Variants in SPAG16 observed in about 807,000 individuals in gnomAD.
The protein encoded by SPAG16 is sperm-associated antigen 16 protein.
Under a neutral mutation model 80.4 loss-of-function variants are expected in SPAG16, and 86 were observed. The ratio of observed to expected loss-of-function variants is 1.07; its 90% CI spans 0.90 to 1.28. The LOEUF (loss-of-function observed/expected upper bound fraction) is 1.28, where lower values mean the gene tolerates loss of function less well. Among genes scored for constraint, SPAG16 ranks in the 50% most tolerant of loss-of-function variants. The pLI is 0.00. For synonymous variants in SPAG16, 294 were observed against 265.9 expected, an observed-to-expected ratio of 1.11 and a Z score of -1.03; for missense variants, 870 against 765.3, an observed-to-expected ratio of 1.14 and a Z score of -1.61.
At chr2:214,000,267 G>A (rs2046731460) in intron 12 of SPAG16, among the ~76,000 whole-genome samples, 1 of 152,138 alleles carries the variant, frequency 6.6e-6, no homozygotes, top group South Asian at 2.1e-4. Context: ...ACTGTTCTCA[G>A]GGTACTGAAT....
intron 10 of SPAG16, among the ~76,000 whole-genome samples, chr2:213,853,432 T>C (rs2075006642): frequency 6.6e-6 from 1 of 152,168 alleles, no homozygotes; most frequent in African/African-American, 2.4e-5. Context: ...TTATAAGAAA[T>C]GTGTCCTATT....
chr2:214,177,965 G>T (rs2057165430), intron 15 of SPAG16, among the ~76,000 whole-genome samples: 1 of 28,352 alleles, frequency 3.5e-5, no homozygotes, highest in Non-Finnish European at 7.0e-5. Flanking sequence ...ACTTCACAAA[G>T]TGTATGTATA....
chr2:213,972,462 G>A (rs929963956), intron 12 of SPAG16, among the ~76,000 whole-genome samples: 12 of 152,106 alleles, frequency 7.9e-5, no homozygotes, highest in Admixed American at 6.5e-4. Context: ...ACTGATACCT[G>A]ATGCAGGAGA....
intron 10 of SPAG16, among the ~76,000 whole-genome samples, chr2:213,524,731 G>A (rs1487059958): frequency 2.0e-5 from 3 of 152,158 alleles, no homozygotes; most frequent in Admixed American, 6.6e-5. Flanking sequence ...CATTTTGAAT[G>A]GGTGTATTTA....
At chr2:213,856,639 C>G (rs1260226293) in intron 10 of SPAG16, among the ~76,000 whole-genome samples, 1 of 152,132 alleles carries the variant, frequency 6.6e-6, no homozygotes, top group Non-Finnish European at 1.5e-5. Context: ...TGATCCCCCA[C>G]AGGCCCAACA....
intron 1 of SPAG16, among the ~76,000 whole-genome samples, chr2:213,293,521 A>G (rs1007000027): frequency 6.6e-6 from 1 of 152,230 alleles, no homozygotes; most frequent in Admixed American, 6.5e-5. Context: ...TTAGCCCACC[A>G]TATCTTGAGG....
chr2:213,488,589 G>C (rs1036643150), intron 9 of SPAG16, among the ~76,000 whole-genome samples: 2 of 152,028 alleles, frequency 1.3e-5, no homozygotes, highest in East Asian at 3.9e-4. Context: ...AATGAAAAAC[G>C]AGAGAAGACA....
chr2:213,508,595 T>A (rs2075073514), intron 10 of SPAG16, among the ~76,000 whole-genome samples: 1 of 150,294 alleles, frequency 6.7e-6, no homozygotes, highest in Non-Finnish European at 1.5e-5. Context: ...AAAAAAAAAA[T>A]GATGAGTTCA....
intron 15 of SPAG16, among the ~76,000 whole-genome samples, chr2:214,263,218 C>T (rs1691308599): frequency 6.6e-6 from 1 of 152,106 alleles, no homozygotes; most frequent in Non-Finnish European, 1.5e-5. Flanking sequence ...ACTGAGGGCA[C>T]AGGTGCAATG....
At chr2:214,387,402 C>T (rs1219780933) in intron 15 of SPAG16, among the ~76,000 whole-genome samples, 1 of 152,068 alleles carries the variant, frequency 6.6e-6, no homozygotes, top group Non-Finnish European at 1.5e-5. Context: ...CAGTATATAA[C>T]TGTTGAGGGA....
At chr2:213,812,404 A>G (rs897395750) in intron 10 of SPAG16, among the ~76,000 whole-genome samples, 1 of 152,338 alleles carries the variant, frequency 6.6e-6, no homozygotes, top group African/African-American at 2.4e-5. Context: ...GTTGGAGGCT[A>G]AGAGACTCAG....
chr2:214,257,455 T>C (rs1293313980), intron 15 of SPAG16, among the ~76,000 whole-genome samples: 2 of 152,058 alleles, frequency 1.3e-5, no homozygotes, highest in Admixed American at 1.3e-4. Flanking sequence ...TTGTTCCCCA[T>C]TATAGGTTAA....
rs936654759 is a variant in SPAG16 at position 213,855,767 on chromosome 2, C to T, written c.1071-6718C>T. Among the ~76,000 whole-genome samples the T allele has an allele frequency of 3.3e-5, 5 of 152,276 alleles. No individual in the cohort carries two copies. In the East Asian group the frequency reaches 7.7e-4, roughly 24 times the overall value. ...ATCAGATCTCATAAGAACTCACTTA[C>T]TGTCATCAGAACAACATGGGGGAAA... On this transcript the variant is annotated intron_variant, in intron 10 of 15. Coordinates refer to ENST00000331683, the MANE Select transcript of SPAG16 (RefSeq NM_024532.5).
chr2:213,289,267 A>C (rs374340021), intron 1 of SPAG16, among the ~76,000 whole-genome samples: 1 of 152,236 alleles, frequency 6.6e-6, no homozygotes, highest in South Asian at 2.1e-4. Context: ...TGTGGAGTCC[A>C]TATCTTTGGA....
At chr2:214,071,155 A>G (rs1340631918) in intron 13 of SPAG16, among the ~76,000 whole-genome samples, 1 of 152,128 alleles carries the variant, frequency 6.6e-6, no homozygotes, top group African/African-American at 2.4e-5. Context: ...GTGATAGATA[A>G]CTCACAATTC....
chr2:213,764,850 A>G (rs987231078), intron 10 of SPAG16, among the ~76,000 whole-genome samples: 6 of 152,212 alleles, frequency 3.9e-5, no homozygotes, highest in African/African-American at 9.6e-5. Context: ...TAATTATTAC[A>G]TTTTAACACT....
At chr2:213,994,279 A>G (rs900692466) in intron 12 of SPAG16, among the ~76,000 whole-genome samples, 4 of 152,174 alleles carry the variant, frequency 2.6e-5, no homozygotes, top group Non-Finnish European at 5.9e-5. Context: ...AGTAATGACG[A>G]GGGACACATG....
chr2:214,017,014 A>G (rs1332525230), intron 13 of SPAG16, among the ~76,000 whole-genome samples: 1 of 152,154 alleles, frequency 6.6e-6, no homozygotes, highest in African/African-American at 2.4e-5. Context: ...TCTGAGGCCA[A>G]TTTATTTAGG....
intron 15 of SPAG16, among the ~76,000 whole-genome samples, chr2:214,222,118 T>TTC (rs1442018319): frequency 1.4e-5 from 2 of 139,268 alleles, no homozygotes; most frequent in African/African-American, 2.7e-5. Context: ...TTCTTTTTTT[T>TTC]TTTTTTTTTT....
Sources: gnomAD v4.1 joint callset for allele counts (sites outside exome capture counted in the v4.1 genomes callset) on GRCh38, gnomAD v4.1.1 for gene constraint, MANE v1.5 for transcripts, NCBI Gene and HGNC (gene_info 2026-07-23, HGNC 2026-07-21) for gene names.